The following CADPS2 variants were observed in gnomAD, a reference collection of about 807,000 sequenced individuals.
CADPS2 encodes calcium-dependent secretion activator 2.
A neutral mutation model predicts 172.5 loss-of-function variants in CADPS2; 93 were observed. The observed-to-expected ratio is 0.54, with a 90% CI of 0.46 to 0.64. The LOEUF is 0.64. Ranked by LOEUF, CADPS2 falls within the 30% of genes least tolerant of loss-of-function variation. The pLI, the probability that CADPS2 is intolerant of heterozygous loss-of-function variation, is 0.00. For missense variants in CADPS2, 1,420 were observed against 1,565.9 expected, an observed-to-expected ratio of 0.91 and a Z score of 1.57; for synonymous variants, 546 against 555.2, an observed-to-expected ratio of 0.98 and a Z score of 0.23.
At chr7:122,830,419 C>A (rs1806193672) in intron 1 of CADPS2, among the ~76,000 whole-genome samples, 1 of 151,126 alleles carries the variant, frequency 6.6e-6, no homozygotes, top group Admixed American at 6.6e-5. Flanking sequence ...TCAAAGGATG[C>A]AAATCTCACT....
chr7:122,404,882 T>C (rs1183725516), intron 20 of CADPS2, among the ~76,000 whole-genome samples: 6 of 152,044 alleles, frequency 3.9e-5, no homozygotes, highest in Non-Finnish European at 8.8e-5. Flanking sequence ...TCCCAGCACT[T>C]TGGGAGGCCG....
intron 1 of CADPS2, among the ~76,000 whole-genome samples, chr7:122,841,647 AGAG>A (rs1310577169): frequency 6.6e-6 from 1 of 152,198 alleles, no homozygotes; most frequent in Non-Finnish European, 1.5e-5. Flanking sequence ...AAGCTGAAAA[AGAG>A]AAGATCCAAA....
At position 122,630,393 on chromosome 7, in the gene CADPS2, G is replaced by C. The variant is rs537867298; in HGVS notation, c.787-1065C>G. On this transcript the variant is annotated intron_variant, in intron 3 of 29. Transcript: ENST00000449022. ...ATGAAGAGTCAAAAAAAAAAAAAGAGGAAGATGTTCCTATAAAAGAACACC... is the reference window on the plus strand; with the variant it reads ...ATGAAGAGTCAAAAAAAAAAAAAGACGAAGATGTTCCTATAAAAGAACACC... Among the ~76,000 whole-genome samples, 8 of 151,870 alleles carry C rather than the reference G, an allele frequency of 5.3e-5. No individual in the cohort carries two copies. In the East Asian group the frequency reaches 1.6e-3, roughly 29 times the overall value.
intron 14 of CADPS2, among the ~76,000 whole-genome samples, chr7:122,458,363 T>C (rs1156393239): frequency 1.3e-5 from 2 of 152,220 alleles, no homozygotes; most frequent in Non-Finnish European, 2.9e-5. Context: ...TCCTAACCTA[T>C]AATACCTCCT....
chr7:122,843,999 G>T (rs2501449), intron 1 of CADPS2, among the ~76,000 whole-genome samples: 66,656 of 152,114 alleles, frequency 0.44, 17,076 homozygotes, highest in African/African-American at 0.72. Context: ...AGCAGAGACA[G>T]GATCATAGAC....
At chr7:122,690,405 C>A (rs1273178305) in intron 2 of CADPS2, among the ~76,000 whole-genome samples, 1 of 152,108 alleles carries the variant, frequency 6.6e-6, no homozygotes, top group Non-Finnish European at 1.5e-5. Context: ...CCTGGCCGTT[C>A]CCCTACGAAC....
At chr7:122,635,911 G>A (rs1024196766) in intron 3 of CADPS2, among the ~76,000 whole-genome samples, 3 of 119,894 alleles carry the variant, frequency 2.5e-5, no homozygotes, top group Admixed American at 9.4e-5. Context: ...TATCTGATAT[G>A]AGAATAGCAG....
chr7:122,328,134 C>CACAG (rs897537535), intron 28 of CADPS2, among the ~76,000 whole-genome samples: 1 of 135,132 alleles, frequency 7.4e-6, no homozygotes, highest in Non-Finnish European at 1.6e-5. Context: ...AAAATGCAGA[C>CACAG]ACACACACAC....
intron 8 of CADPS2, among the ~76,000 whole-genome samples, chr7:122,527,965 A>G (rs962291936): frequency 1.3e-5 from 2 of 152,182 alleles, no homozygotes; most frequent in African/African-American, 2.4e-5. Context: ...AGTGCCAGGT[A>G]TAAGATTTAC....
intron 9 of CADPS2, among the ~76,000 whole-genome samples, chr7:122,503,289 C>T (rs2059366344): frequency 6.6e-6 from 1 of 152,124 alleles, no homozygotes; most frequent in African/African-American, 2.4e-5. Flanking sequence ...TCGCCTCGGC[C>T]TCCCAAAATG....
intron 7 of CADPS2, among the ~76,000 whole-genome samples, chr7:122,569,568 T>TC (rs2066924334): frequency 1.0e-5 from 1 of 98,164 alleles, no homozygotes; most frequent in African/African-American, 5.9e-5. Flanking sequence ...GAGCCTGCAT[T>TC]GCCAAGACAA....
intron 2 of CADPS2, among the ~76,000 whole-genome samples, chr7:122,680,878 C>A (rs1276337918): frequency 2.6e-5 from 4 of 151,798 alleles, no homozygotes; most frequent in Non-Finnish European, 5.9e-5. Context: ...TGGAACCAAC[C>A]CAAATGTCCA....
intron 22 of CADPS2, among the ~76,000 whole-genome samples, chr7:122,389,569 A>G (rs528250227): frequency 6.6e-6 from 1 of 152,054 alleles, no homozygotes; most frequent in South Asian, 2.1e-4. Context: ...TACATATAAT[A>G]TTTTGGCAAA....
chr7:122,837,417 A>G (rs1366522243), intron 1 of CADPS2, among the ~76,000 whole-genome samples: 1 of 152,350 alleles, frequency 6.6e-6, no homozygotes, highest in Non-Finnish European at 1.5e-5. Flanking sequence ...AAGGCAAGAA[A>G]TAACTAAGAT....
At chr7:122,478,666 A>C (rs1176429879) in intron 12 of CADPS2, among the ~76,000 whole-genome samples, 2 of 152,184 alleles carry the variant, frequency 1.3e-5, no homozygotes, top group African/African-American at 2.4e-5. Context: ...TATCAACTTA[A>C]ATAGGTAATA....
At chr7:122,506,740 A>C (rs10248213) in intron 9 of CADPS2, among the ~76,000 whole-genome samples, 5,302 of 151,884 alleles carry the variant, frequency 0.035, 292 homozygotes, top group African/African-American at 0.12. Flanking sequence ...AAAAAAAAAA[A>C]AAACAAACAA....
chr7:122,453,773 G>A (rs1193340896), intron 14 of CADPS2, among the ~76,000 whole-genome samples: 1 of 152,116 alleles, frequency 6.6e-6, no homozygotes, highest in East Asian at 1.9e-4. Flanking sequence ...TTTCACTGAG[G>A]CCCACTGTCT....
intron 12 of CADPS2, among the ~76,000 whole-genome samples, chr7:122,475,870 C>A (rs1273844709): frequency 2.6e-5 from 4 of 152,144 alleles, no homozygotes; most frequent in Admixed American, 2.6e-4. Flanking sequence ...AAGTATCATA[C>A]TTATACCTTT....
chr7:122,412,514 A>C (rs555269045), intron 19 of CADPS2, among the ~76,000 whole-genome samples: 1 of 152,324 alleles, frequency 6.6e-6, no homozygotes, highest in Non-Finnish European at 1.5e-5. Flanking sequence ...GTTCACACTG[A>C]ACTCTCACTG....
Sources: gnomAD v4.1 joint callset for allele counts (sites outside exome capture counted in the v4.1 genomes callset) on GRCh38, gnomAD v4.1.1 for gene constraint, MANE v1.5 for transcripts, NCBI Gene and HGNC (gene_info 2026-07-23, HGNC 2026-07-21) for gene names.